The following LRRC7 variants were observed in gnomAD, a reference collection of about 807,000 sequenced individuals.
The protein encoded by LRRC7 is leucine-rich repeat-containing protein 7.
LRRC7 carries 23 observed loss-of-function variants against 175.7 expected under a neutral mutation model. The observed-to-expected ratio is 0.13, with a 90% confidence interval of 0.09 to 0.19. The LOEUF (loss-of-function observed/expected upper bound fraction) is 0.19. Among genes scored for constraint, LRRC7 ranks in the 10% least tolerant of loss-of-function variants. LRRC7 has a pLI of 1.00. For synonymous variants in LRRC7, 685 were observed against 680.9 expected, an observed-to-expected ratio of 1.01 and a Z score of -0.09; for missense variants, 1,354 against 1,904.7, an observed-to-expected ratio of 0.71 and a Z score of 5.38.
intron 1 of LRRC7, among the ~76,000 whole-genome samples, chr1:69,621,468 G>A (rs1361940675): frequency 2.6e-5 from 4 of 152,092 alleles, no homozygotes; most frequent in South Asian, 4.2e-4. Flanking sequence ...AAACATCAGC[G>A]AATCTTTAGA....
intron 7 of LRRC7, among the ~76,000 whole-genome samples, chr1:69,881,766 G>A (rs1412734610): frequency 1.3e-5 from 2 of 151,360 alleles, no homozygotes; most frequent in Non-Finnish European, 2.9e-5. Flanking sequence ...TGTGGTCTCA[G>A]CTACTTGGGA....
At position 69,770,397 on chromosome 1, in the gene LRRC7, T is replaced by C. The variant is rs1672098108; in HGVS notation, c.303+10004T>C. 2.0e-5 allele frequency among the ~76,000 whole-genome samples: 3 copies of C among 152,214 alleles called. 1 individual carries two copies. In the South Asian group the frequency reaches 6.2e-4, roughly 31 times the overall value. On this transcript the variant is annotated intron_variant, in intron 3 of 26. Transcript: ENST00000651989. Reference sequence around the variant, plus strand: ...ATTTGAAAACAAGGACACTTATTTATTTTGTGTGAGGTCTAATGAGATCAA... The same window carrying C: ...ATTTGAAAACAAGGACACTTATTTACTTTGTGTGAGGTCTAATGAGATCAA...
intron 11 of LRRC7, among the ~76,000 whole-genome samples, chr1:70,000,450 C>T (rs1655418267): frequency 1.3e-5 from 2 of 152,172 alleles, no homozygotes; most frequent in Admixed American, 1.3e-4. Flanking sequence ...GTACATACAT[C>T]TGTAATGGTC....
intron 2 of LRRC7, among the ~76,000 whole-genome samples, chr1:69,736,166 G>A (rs975402923): frequency 5.3e-5 from 8 of 151,952 alleles, no homozygotes; most frequent in African/African-American, 1.9e-4. Flanking sequence ...AATAACATTT[G>A]AAATTTAGGA....
chr1:69,624,074 A>G (rs1216448257), intron 1 of LRRC7, among the ~76,000 whole-genome samples: 1 of 152,230 alleles, frequency 6.6e-6, no homozygotes, highest in Non-Finnish European at 1.5e-5. Flanking sequence ...AAAATAAAAA[A>G]CATATACTCA....
intron 1 of LRRC7, among the ~76,000 whole-genome samples, chr1:69,660,230 G>C (rs902876296): frequency 1.3e-5 from 2 of 151,876 alleles, no homozygotes; most frequent in African/African-American, 4.8e-5. Context: ...ATGATAAAAG[G>C]TTCAATCCAT....
At chr1:69,963,305 C>CAA (rs112678826) in intron 8 of LRRC7, among the ~76,000 whole-genome samples, 12,488 of 106,094 alleles carry the variant, frequency 0.12, 1,338 homozygotes, top group African/African-American at 0.31. Flanking sequence ...GACACCGTCT[C>CAA]AAAAAAAAAA....
At chr1:70,043,894 A>G (rs1660120869) in intron 21 of LRRC7, 60 bp from the exon 22 acceptor site, 1 of 1,522,136 alleles carries the variant, frequency 6.6e-7, no homozygotes, top group Admixed American at 2.0e-5. Flanking sequence ...TGTTCATGTA[A>G]TTTATCAGTT....
intron 1 of LRRC7, among the ~76,000 whole-genome samples, chr1:69,580,615 T>C (rs1646157950): frequency 6.6e-6 from 1 of 152,178 alleles, no homozygotes; most frequent in South Asian, 2.1e-4. Context: ...AATAAAAATC[T>C]ACCATATCTA....
At chr1:69,725,080 TTA>T in intron 2 of LRRC7, among the ~76,000 whole-genome samples, 1 of 152,072 alleles carries the variant, frequency 6.6e-6, no homozygotes, top group East Asian at 1.9e-4. Context: ...TATACATGTT[TTA>T]TATATATATG....
chr1:70,001,159 T>A (rs911253786), intron 11 of LRRC7, among the ~76,000 whole-genome samples: 1 of 152,210 alleles, frequency 6.6e-6, no homozygotes, highest in African/African-American at 2.4e-5. Context: ...CCTAACCTAC[T>A]TTTGTTTTTG....
chr1:69,965,033 C>A (rs1173221968), intron 8 of LRRC7, among the ~76,000 whole-genome samples: 2 of 152,226 alleles, frequency 1.3e-5, no homozygotes, highest in Non-Finnish European at 2.9e-5. Context: ...TCCTGTCAGT[C>A]TGAATTATAT....
At chr1:70,039,870 G>C in intron 21 of LRRC7, 77 bp downstream of exon 21, 1 of 1,487,672 alleles carries the variant, frequency 6.7e-7, no homozygotes, top group Non-Finnish European at 9.0e-7. Context: ...AGCACATGTA[G>C]TGAAGCATGA....
In LRRC7 at chr1:70,137,410, T is replaced by C. The variant is rs1200177775; in HGVS notation, c.*15523T>C. On this transcript the variant is annotated 3_prime_UTR_variant, in exon 27 of 27. Transcript: ENST00000651989. ...AAGAGAAGTTAACCTTTAGTGACCC[T>C]TGAAAGCTTTAAAATAATTCTTTTG... Among the ~76,000 whole-genome samples the C allele has an allele frequency of 2.0e-5, 3 of 152,208 alleles. No homozygotes were observed. The highest frequency in any genetic ancestry group is 4.4e-5 in the Non-Finnish European group (3 of 68,030).
At chr1:70,052,409 AAC>A (rs1337373129) in intron 22 of LRRC7, among the ~76,000 whole-genome samples, 1 of 152,036 alleles carries the variant, frequency 6.6e-6, no homozygotes, top group Non-Finnish European at 1.5e-5. Flanking sequence ...TGGTAATCAA[AAC>A]AGTCATGATT....
intron 7 of LRRC7, chr1:69,919,963 C>T: frequency 1.8e-6 from 1 of 567,060 alleles, no homozygotes; most frequent in Non-Finnish European, 3.2e-6. Context: ...GGAGGGGGCC[C>T]TTCCAGACTG....
rs137896003 is a variant in LRRC7 at position 69,911,821 on chromosome 1, A to G, written c.648-19686A>G. Among the ~76,000 whole-genome samples, 731 of 152,320 alleles carry G rather than the reference A, an allele frequency of 4.8e-3. 10 individuals carry two copies. Among genetic ancestry groups the G allele is most frequent in the African/African-American group, 0.016 (676 of 41,568 alleles). ...GTTTAAATTCTCTGACAGCTTAGTCACGGAGTTATGCCTATTTGATACACC... is the reference window on the plus strand; with the variant it reads ...GTTTAAATTCTCTGACAGCTTAGTCGCGGAGTTATGCCTATTTGATACACC... On this transcript the variant is annotated intron_variant, in intron 7 of 26. Coordinates refer to ENST00000651989, the MANE Select transcript of LRRC7 (RefSeq NM_001370785.2).
intron 1 of LRRC7, among the ~76,000 whole-genome samples, chr1:69,646,080 C>T (rs1654968340): frequency 6.6e-6 from 1 of 151,894 alleles, no homozygotes; most frequent in Non-Finnish European, 1.5e-5. Context: ...TACATAATGG[C>T]TAATTGGACA....
At chr1:69,742,707 A>G (rs1668840471) in intron 2 of LRRC7, among the ~76,000 whole-genome samples, 1 of 152,038 alleles carries the variant, frequency 6.6e-6, no homozygotes, top group Non-Finnish European at 1.5e-5. Context: ...ATTATTTCAC[A>G]GAGATATACC....
Sources: allele counts gnomAD v4.1 joint callset (sites outside exome capture counted in the v4.1 genomes callset), GRCh38; gene constraint gnomAD v4.1.1; transcripts MANE v1.5; gene names NCBI Gene and HGNC (gene_info 2026-07-23, HGNC 2026-07-21).